EIF2B4: variants seen among roughly 807,000 people sequenced by gnomAD.
The protein encoded by EIF2B4 is translation initiation factor eIF2B subunit delta.
EIF2B4 carries 34 observed loss-of-function variants against 66.7 expected under a neutral mutation model. That is an observed-to-expected ratio of 0.51 (90% confidence interval 0.39 to 0.68). EIF2B4 has a LOEUF of 0.68. EIF2B4 is among the 30% of genes least tolerant of loss of function. The pLI, the probability that EIF2B4 is intolerant of heterozygous loss-of-function variation, is 0.00. For missense variants in EIF2B4, 618 were observed against 657.9 expected (o/e 0.94, Z 0.66); for synonymous variants, 278 against 253.6 (o/e 1.10, Z -0.92).
chr2:27,366,455 G>A (rs1681872127), intron 11 of EIF2B4: 1 of 420,650 alleles, frequency 2.4e-6, no homozygotes, highest in East Asian at 5.1e-5. Flanking sequence ...GGCCGAGACA[G>A]GGGGAACTGC....
chr2:27,368,850 G>T (rs1438438436), intron 4 of EIF2B4, 117 bp from the exon 5 acceptor site: 1 of 1,420,372 alleles, frequency 7.0e-7, no homozygotes, highest in Non-Finnish European at 9.9e-7. Context: ...GGGAGAATAG[G>T]GTAGAAAAGG....
intron 9 of EIF2B4, 97 bp downstream of exon 9, chr2:27,367,360 G>A (rs1300362652): frequency 1.3e-6 from 2 of 1,579,728 alleles, no homozygotes; most frequent in Non-Finnish European, 8.7e-7. Context: ...CTTGACTAGG[G>A]CAAAAAAAGG....
intron 12 of EIF2B4, 21 bp downstream of exon 12, chr2:27,364,697 G>A: frequency 6.2e-7 from 1 of 1,614,160 alleles, no homozygotes; most frequent in Non-Finnish European, 8.5e-7. Flanking sequence ...GTAGCTGGAG[G>A]CTTCTCTTTT....
rs560111940 is a variant in EIF2B4, at chr2:27,368,091, C to G, written c.639G>C (p.Gln213His). 7 of 1,601,756 alleles carry G rather than the reference C, an allele frequency of 4.4e-6. No homozygotes were observed. Among genetic ancestry groups the G allele is most frequent in the Non-Finnish European group, 5.1e-6 (6 of 1,174,040 alleles). The change falls in exon 7 of 13, where the codon CAG becomes CAC. Residue 213 changes from glutamine (Q) to histidine (H), a missense_variant. Coordinates refer to ENST00000347454, the MANE Select transcript of EIF2B4 (RefSeq NM_001034116.2). Reference protein sequence around the residue: ...IHPAMVRLGLQYSQGLVSGSN... With the variant: ...IHPAMVRLGLHYSQGLVSGSN... The stretch of plus-strand genomic sequence containing the variant: ...AGCCACTGACCAGGCCCTGGGAGTA[C>G]TGCAGGCCGAGTCGCACCATGGCTG...
intron 5 of EIF2B4, 53 bp downstream of exon 5, chr2:27,368,601 T>C: frequency 6.2e-7 from 1 of 1,607,890 alleles, no homozygotes; most frequent in Non-Finnish European, 8.5e-7. Flanking sequence ...CTTTCCTCCC[T>C]CCAGTCCATT....
rs780633076 is a variant in EIF2B4, at chr2:27,367,115, G to A, written c.972C>T (p.Tyr324=). The A allele has an allele frequency of 2.7e-5, 43 of 1,614,068 alleles. No individual in the cohort carries two copies. Among genetic ancestry groups the A allele is most frequent in the Admixed American group, 1.0e-4 (6 of 60,004 alleles). ...TCACATCTCCATTACTGATCTTCTGGTAAGCAAAGCGTGAAATTGCCTGAG... is the reference window on the plus strand; with the variant it reads ...TCACATCTCCATTACTGATCTTCTGATAAGCAAAGCGTGAAATTGCCTGAG... The part of the protein sequence containing the change: ...LAAQAISRFA[Y]QKISNGDVIL... Residue 324 remains tyrosine, a synonymous_variant, in exon 10 of 13, where the codon TAC becomes TAT. Transcript: ENST00000347454.
chr2:27,369,391 T>C (rs1682163697), intron 3 of EIF2B4, 23 bp downstream of exon 3: 1 of 1,613,860 alleles, frequency 6.2e-7, no homozygotes, highest in Non-Finnish European at 8.5e-7. Flanking sequence ...ACCCCAGCCC[T>C]TTAAAAGAGA....
chr2:27,368,104 C>A lies in EIF2B4; in HGVS notation c.626G>T (p.Arg209Leu), dbSNP rs113994028. 1 of 1,598,702 alleles carries A rather than the reference C, an allele frequency of 6.3e-7. No homozygotes were observed. Among genetic ancestry groups the A allele is most frequent in the South Asian group, 1.1e-5 (1 of 88,446 alleles). ...GCCCTGGGAGTACTGCAGGCCGAGT[C>A]GCACCATGGCTGGGTGGATCACAGA... Reference protein sequence around the residue: ...PSSVIHPAMVRLGLQYSQGLV... With the variant: ...PSSVIHPAMVLLGLQYSQGLV... The change falls in exon 7 of 13, where the codon CGA becomes CTA. Residue 209 changes from arginine (R) to leucine (L), a missense_variant. By Grantham distance (102) the Arg-to-Leu change is moderately radical (BLOSUM62 -2). Around this residue, in one of 4 missense-constraint regions of EIF2B4, gnomAD observed 506 missense variants for 511.9 expected, o/e 0.99. Transcript: ENST00000347454.
chr2:27,369,068 T>C lies in EIF2B4; in HGVS notation c.356A>G (p.Lys119Arg). ...AGGAGGTGGTCCTCCTTGTTCCCCT[T>C]TTCTTGCCTGTTTCAGGGCCCGCTC... ...EAERALKQAR[K>R]GEQGGPPPKA... Residue 119 changes from lysine (K) to arginine (R), a missense_variant, in exon 4 of 13, where the codon AAA becomes AGA. Lys to Arg is a conservative substitution (Grantham distance 26). Transcript: ENST00000347454. 6.2e-7 allele frequency: 1 copy of C among 1,614,136 alleles called. No homozygotes were observed. The highest frequency in any genetic ancestry group is 8.5e-7 in the Non-Finnish European group (1 of 1,180,010).
rs1681891508 is a variant in EIF2B4 at position 27,366,772 on chromosome 2, T to G, written c.1178A>C (p.Tyr393Ser). The G allele has an allele frequency of 7.4e-6, 12 of 1,614,164 alleles. No homozygotes were observed. Among genetic ancestry groups the G allele is most frequent in the Non-Finnish European group, 1.0e-5 (12 of 1,180,032 alleles). ...CTCTGTACTTACCTCTGGGAGCACA[T>G]AGGAGGCTGCAGGAATCAGCAGGTA... The part of the protein sequence containing the change: ...ASYLLIPAAS[Y>S]VLPEVSKVLL... The change falls in exon 11 of 13, where the codon TAT (tyrosine) becomes TCT (serine). Residue 393 changes from tyrosine (Y) to serine (S), a missense_variant. Physicochemically the swap from Tyr to Ser is moderately radical, Grantham distance 144. Transcript: ENST00000347454.
Position 27,369,485 on chromosome 2 carries a change from T to G in EIF2B4, c.140A>C (p.Lys47Thr). 6.2e-7 allele frequency: 1 copy of G among 1,614,166 alleles called. No individual in the cohort carries two copies. The highest frequency in any genetic ancestry group is 8.5e-7 in the Non-Finnish European group (1 of 1,180,044). Reference protein sequence around the residue: ...LQLRKEKKQQKKKRKEEKGAE... With the variant: ...LQLRKEKKQQTKKRKEEKGAE... ...CCCCTTTTCTTCCTTCCGTTTCTTC[T>G]TCTGCTGTTTCTTTTCCTTCCGAAG... Residue 47 changes from lysine (K) to threonine (T), a missense_variant, in exon 3 of 13, where the codon AAG becomes ACG. Around this residue, in one of 4 missense-constraint regions of EIF2B4, gnomAD observed 506 missense variants for 511.9 expected, o/e 0.99. Coordinates refer to ENST00000347454, the MANE Select transcript of EIF2B4 (RefSeq NM_001034116.2).
rs769436465 is a variant in EIF2B4 at position 27,370,272 on chromosome 2, C to T, written c.31+12G>A. 3.9e-6 allele frequency: 6 copies of T among 1,549,164 alleles called. No individual in the cohort carries two copies. The African/African-American group carries it at 4.1e-5, about 11-fold the overall frequency. On this transcript the variant is annotated intron_variant, in intron 1 of 12. Transcript: ENST00000347454. The stretch of plus-strand genomic sequence containing the variant: ...TCCGCGTACCAGTAGGCAGGCCCGG[C>T]TCTTCACTCACCCTCGCGAACAGCC...
rs766637381 is a variant in EIF2B4, at chr2:27,369,886, G to A, written c.65C>T (p.Pro22Leu). ...SGSGMKAELP[P>L]GPGAVGREMT... ...GGAAGCCTCACTTACCCCAGGCCCA[G>A]GGGGAAGCTCCGCCTTCATCCCGGA... The change falls in exon 2 of 13, where the codon CCT becomes CTT. Residue 22 changes from proline (P) to leucine (L), a missense_variant. Pro to Leu is a moderately conservative substitution (Grantham distance 98). Around this residue, in one of 4 missense-constraint regions of EIF2B4, gnomAD observed 506 missense variants for 511.9 expected, o/e 0.99. Coordinates refer to ENST00000347454, the MANE Select transcript of EIF2B4 (RefSeq NM_001034116.2). 7 of 1,583,884 alleles carry A rather than the reference G, an allele frequency of 4.4e-6. No individual in the cohort carries two copies. In the African/African-American group the frequency reaches 8.1e-5, roughly 18 times the overall value.
chr2:27,370,031 C>G, intron 1 of EIF2B4, 112 bp from the exon 2 acceptor site: 2 of 1,514,844 alleles, frequency 1.3e-6, no homozygotes, highest in Non-Finnish European at 1.8e-6. Context: ...GATCCGCCGG[C>G]AGGCGCGAGG....
At chr2:27,367,877 G>T in intron 7 of EIF2B4, 55 bp from the exon 8 acceptor site, 1 of 1,561,922 alleles carries the variant, frequency 6.4e-7, no homozygotes, top group South Asian at 1.1e-5. Flanking sequence ...ATCTCTGAAC[G>T]GGGGCTGGGG....
intron 2 of EIF2B4, 46 bp from the exon 3 acceptor site, chr2:27,369,595 G>C (rs770478213): frequency 3.1e-6 from 5 of 1,613,464 alleles, no homozygotes; most frequent in South Asian, 1.1e-5. Flanking sequence ...CAATTCCAAA[G>C]GGGAACAAAT....
intron 1 of EIF2B4, 72 bp from the exon 2 acceptor site, chr2:27,369,991 G>A (rs771202581): frequency 6.5e-7 from 1 of 1,538,180 alleles, no homozygotes; most frequent in Non-Finnish European, 8.8e-7. Context: ...AGTACTCGGC[G>A]CAGCCGGCTG....
chr2:27,369,029 C>G lies in EIF2B4; in HGVS notation c.395G>C (p.Ser132Thr). The change falls in exon 4 of 13, where the codon AGC (serine) becomes ACC (threonine). Residue 132 changes from serine to threonine, a missense_variant. Ser to Thr is a moderately conservative substitution (Grantham distance 58). Coordinates refer to ENST00000347454, the MANE Select transcript of EIF2B4 (RefSeq NM_001034116.2). ...ACCTGAGGGGGTTTCTCCAGCTGTGCTGGGGCTGGCCTTAGGAGGTGGTCC... is the reference window on the plus strand; with the variant it reads ...ACCTGAGGGGGTTTCTCCAGCTGTGGTGGGGCTGGCCTTAGGAGGTGGTCC... The part of the protein sequence containing the change: ...QGGPPPKASP[S>T]TAGETPSGVK... 1 of 1,614,114 alleles carries G rather than the reference C, an allele frequency of 6.2e-7. No homozygotes were observed. The highest frequency in any genetic ancestry group is 8.5e-7 in the Non-Finnish European group (1 of 1,180,016).
intron 7 of EIF2B4, 63 bp downstream of exon 7, chr2:27,367,962 G>A (rs1681987705): frequency 1.3e-6 from 2 of 1,509,796 alleles, no homozygotes; most frequent in Admixed American, 3.8e-5. Context: ...TTGGGTGACA[G>A]AAGCTGGGGT....
Sources: allele counts gnomAD v4.1 joint callset, GRCh38; gene constraint gnomAD v4.1.1; regional missense constraint gnomAD v4.1.1; transcripts MANE v1.5; gene names NCBI Gene and HGNC (gene_info 2026-07-23, HGNC 2026-07-21).